The following MAP4K2 variants were observed in gnomAD, a reference collection of about 807,000 sequenced individuals.
MAP4K2 encodes mitogen-activated protein kinase kinase kinase kinase 2.
In MAP4K2, 85 loss-of-function variants were observed where a neutral mutation model predicts 125.3. The observed-to-expected ratio is 0.68, with a 90% CI of 0.57 to 0.81. The LOEUF (loss-of-function observed/expected upper bound fraction) is 0.81, where lower values mean the gene tolerates loss of function less well. MAP4K2 is among the 40% of genes least tolerant of loss of function. The pLI is 0.00. For missense variants in MAP4K2, 923 were observed against 1,056.4 expected, an observed-to-expected ratio of 0.87 and a Z score of 1.75; for synonymous variants, 479 against 445.1, an observed-to-expected ratio of 1.08 and a Z score of -0.96.
chr11:64,802,687 C>T, intron 2 of MAP4K2, 34 bp from the exon 3 acceptor site: 1 of 1,598,206 alleles, frequency 6.3e-7, no homozygotes, highest in South Asian at 1.1e-5. Flanking sequence ...GGAAGGCGCG[C>T]TGGGGTTGCC....
chr11:64,792,090 G>C lies in MAP4K2; in HGVS notation c.1915-4C>G. 3 of 1,581,102 alleles carry C rather than the reference G, an allele frequency of 1.9e-6. No homozygotes were observed. Among genetic ancestry groups the C allele is most frequent in the Non-Finnish European group, 2.6e-6 (3 of 1,163,086 alleles). On this transcript the variant is annotated splice_region_variant and splice_polypyrimidine_tract_variant and intron_variant, in intron 26 of 31. Transcript: ENST00000294066. Reference sequence around the variant, plus strand: ...TGGGCAGAGGGCTGGAGAAGTTCTAGGGGGCAGCAGGGATGCTCAGGTCTC... The same window carrying C: ...TGGGCAGAGGGCTGGAGAAGTTCTACGGGGCAGCAGGGATGCTCAGGTCTC...
intron 7 of MAP4K2, 91 bp downstream of exon 7, chr11:64,801,488 G>T: frequency 7.0e-7 from 1 of 1,430,106 alleles, no homozygotes; most frequent in South Asian, 1.2e-5. Context: ...GTGGCAAAGT[G>T]ACTTGCCCAG....
At chr11:64,790,570 G>T in intron 27 of MAP4K2, 108 bp from the exon 28 acceptor site, 4 of 990,364 alleles carry the variant, frequency 4.0e-6, no homozygotes, top group Non-Finnish European at 6.3e-6. Flanking sequence ...GGGCACGTCA[G>T]CCTCACAACA....
At chr11:64,791,481 A>C (rs1362567656) in intron 27 of MAP4K2, among the ~76,000 whole-genome samples, 3 of 152,226 alleles carry the variant, frequency 2.0e-5, no homozygotes, top group Non-Finnish European at 2.9e-5. Flanking sequence ...TCCCAGGCTC[A>C]AGTGATCCTC....
At chr11:64,790,971 A>C (rs1357909489) in intron 27 of MAP4K2, among the ~76,000 whole-genome samples, 3 of 152,134 alleles carry the variant, frequency 2.0e-5, no homozygotes, top group Admixed American at 1.3e-4. Context: ...CCCCATTTCT[A>C]CTAATAATAC....
chr11:64,801,800 G>C (rs1941192924), intron 5 of MAP4K2, 43 bp from the exon 6 acceptor site: 1 of 1,603,154 alleles, frequency 6.2e-7, no homozygotes, highest in Admixed American at 1.7e-5. Flanking sequence ...ACCCAGCACT[G>C]TCCCACCTCC....
At position 64,800,189 on chromosome 11, in the gene MAP4K2, GA is replaced by G. The variant is rs1216147118; in HGVS notation, c.834del (p.Arg279GlyfsTer57). The G allele has an allele frequency of 6.2e-7, 1 of 1,613,150 alleles. No homozygotes were observed. Among genetic ancestry groups the G allele is most frequent in the Non-Finnish European group, 8.5e-7 (1 of 1,179,794 alleles). On this transcript the variant is annotated frameshift_variant, in exon 12 of 32. Coordinates refer to ENST00000294066, the MANE Select transcript of MAP4K2 (RefSeq NM_004579.5). LOFTEE classifies it high-confidence loss of function. ...LQHPFTTQQL[P>X]RALLTQLLDK... is the part of the protein sequence containing the mutation. Reference sequence around the variant, plus strand: ...TCCAGCAGCTGTGTGAGGAGGGCCCGAGGGAGCTGCTGAGTCGTGAACGGGT... The same window carrying G: ...TCCAGCAGCTGTGTGAGGAGGGCCCGGGGAGCTGCTGAGTCGTGAACGGGT...
At chr11:64,799,176 C>T (rs1941008248) in intron 14 of MAP4K2, among the ~76,000 whole-genome samples, 1 of 152,160 alleles carries the variant, frequency 6.6e-6, no homozygotes, top group South Asian at 2.1e-4. Flanking sequence ...CACATGACGG[C>T]CTCCTTTTGG....
Position 64,801,756 on chromosome 11 carries a change from C to T in MAP4K2, c.368G>A (p.Gly123Glu). ...CCCCTGAGAATGCAGGTGGTGGAGC[C>T]CCTGGCGACAAAGAGGAGTCCCTGA... ...IAYVCREALK[G>E]LHHLHSQGKI... The change falls in exon 6 of 32, where the codon GGG becomes GAG. Residue 123 changes from glycine to glutamate, a missense_variant and splice_region_variant. Physicochemically the swap from Gly to Glu is moderately conservative, Grantham distance 98 (BLOSUM62 -2). Coordinates refer to ENST00000294066, the MANE Select transcript of MAP4K2 (RefSeq NM_004579.5). 2 of 1,613,130 alleles carry T rather than the reference C, an allele frequency of 1.2e-6. No individual in the cohort carries two copies. The highest frequency in any genetic ancestry group is 1.7e-6 in the Non-Finnish European group (2 of 1,179,860).
chr11:64,802,526 G>A, intron 3 of MAP4K2, 37 bp downstream of exon 3: 1 of 1,576,022 alleles, frequency 6.3e-7, no homozygotes, highest in Non-Finnish European at 8.6e-7. Flanking sequence ...AGGTCACATG[G>A]GGGCTGCCTG....
At position 64,789,353 on chromosome 11, in the gene MAP4K2, C is replaced by T; in HGVS notation, c.*184G>A. The T allele has an allele frequency of 1.7e-6, 1 of 601,186 alleles. No homozygotes were observed. Among genetic ancestry groups the T allele is most frequent in the East Asian group, 2.8e-5 (1 of 35,406 alleles). 37.2% of individuals were successfully genotyped at this position (601,186 alleles called of 1,614,324 possible). ...GCAGCTCCCCCTGGTCCAGTTATTG[C>T]AGAGGCGTCGGGGGCTCCCCTCCCT... On this transcript the variant is annotated 3_prime_UTR_variant, in exon 32 of 32. Transcript: ENST00000294066.
At chr11:64,801,663 A>G (rs1941179372) in intron 6 of MAP4K2, 42 bp from the exon 7 acceptor site, 1 of 1,613,544 alleles carries the variant, frequency 6.2e-7, no homozygotes, top group Non-Finnish European at 8.5e-7. Flanking sequence ...GGTGCCCCCG[A>G]GGGCCTCCTC....
chr11:64,798,120 T>C (rs1289719753), intron 15 of MAP4K2, among the ~76,000 whole-genome samples: 1 of 151,932 alleles, frequency 6.6e-6, no homozygotes, highest in African/African-American at 2.4e-5. Context: ...GCCACCCTAG[T>C]AGCTGGGATT....
intron 14 of MAP4K2, 116 bp downstream of exon 14, chr11:64,799,305 C>T (rs1380060709): frequency 6.8e-6 from 9 of 1,316,146 alleles, no homozygotes; most frequent in Non-Finnish European, 8.5e-6. Context: ...AGTCTAAGGC[C>T]CAAGGCCCGA....
chr11:64,798,766 C>G (rs757205512), intron 15 of MAP4K2, 28 bp downstream of exon 15: 1 of 1,612,956 alleles, frequency 6.2e-7, no homozygotes, highest in Non-Finnish European at 8.5e-7. Flanking sequence ...CCCTGCCACC[C>G]CCTGCAGCTT....
chr11:64,790,427 C>T lies in MAP4K2; in HGVS notation c.2128G>A (p.Val710Met), dbSNP rs1187682500. 2.4e-5 allele frequency: 39 copies of T among 1,614,020 alleles called. No homozygotes were observed. Among genetic ancestry groups the T allele is most frequent in the Non-Finnish European group, 3.2e-5 (38 of 1,180,028 alleles). The change falls in exon 28 of 32, where the codon GTG becomes ATG. Residue 710 changes from valine to methionine, a missense_variant. Physicochemically the swap from Val to Met is conservative, Grantham distance 21 (BLOSUM62 1). Transcript: ENST00000294066. ...IPGSAQQVIQ[V>M]DRDTILVSFE... Reference sequence around the variant, plus strand: ...CTGACTAGGATTGTGTCCCTGTCCACCTGGATCACCTGCTGGGCCGAGCCT... The same window carrying T: ...CTGACTAGGATTGTGTCCCTGTCCATCTGGATCACCTGCTGGGCCGAGCCT...
At position 64,797,673 on chromosome 11, in the gene MAP4K2, TG is replaced by T. The variant is rs1345105608; in HGVS notation, c.1098-10del. 2 of 1,510,056 alleles carry T rather than the reference TG, an allele frequency of 1.3e-6. No homozygotes were observed. Among genetic ancestry groups the T allele is most frequent in the Non-Finnish European group, 1.8e-6 (2 of 1,128,170 alleles). The allele number at this position is 1,510,056 out of a possible 1,614,324, so 93.5% of individuals were successfully genotyped here. A position where few individuals can be genotyped will look rare whatever the true frequency, so the allele number is the denominator to read the frequency against. On this transcript the variant is annotated splice_polypyrimidine_tract_variant and intron_variant, in intron 15 of 31. Transcript: ENST00000294066. ...CCGACTGCAGCAGGCTCCTGGGCAG[TG>T]GGGAAAAGGGGTCAGAGGTCAACCT... is the stretch of plus-strand genomic sequence containing the variant.
In MAP4K2 at chr11:64,803,177, G is replaced by T. The variant is rs776690925; in HGVS notation, c.-28C>A. ...CCCGGCGCCGGGCGGGCCGGCAGGCGGGCGGGCGCGAGCTGCGGAGCCGGC... is the reference window on the plus strand; with the variant it reads ...CCCGGCGCCGGGCGGGCCGGCAGGCTGGCGGGCGCGAGCTGCGGAGCCGGC... On this transcript the variant is annotated 5_prime_UTR_variant, in exon 1 of 32. Transcript: ENST00000294066. The T allele has an allele frequency of 1.0e-5, 11 of 1,105,436 alleles. No individual in the cohort carries two copies. Among genetic ancestry groups the T allele is most frequent in the Non-Finnish European group, 1.2e-5 (11 of 899,264 alleles). 68.5% of individuals were successfully genotyped at this position (1,105,436 alleles called of 1,614,324 possible).
At chr11:64,801,064 T>A (rs1359684414) in intron 8 of MAP4K2, 33 bp from the exon 9 acceptor site, 10 of 1,613,382 alleles carry the variant, frequency 6.2e-6, no homozygotes, top group Non-Finnish European at 8.5e-7. Context: ...GATGGCCGGG[T>A]GCCCTGCTCT....
Sources: gnomAD v4.1 joint callset for allele counts (sites outside exome capture counted in the v4.1 genomes callset) on GRCh38, gnomAD v4.1.1 for gene constraint, MANE v1.5 for transcripts, NCBI Gene and HGNC (gene_info 2026-07-23, HGNC 2026-07-21) for gene names.